Variants in SGCZ observed in about 807,000 individuals in gnomAD.
SGCZ encodes the protein zeta-sarcoglycan.
SGCZ carries 40 observed loss-of-function variants against 41.3 expected under a neutral mutation model. That is an observed-to-expected ratio of 0.97 (90% CI 0.75 to 1.26). The LOEUF (loss-of-function observed/expected upper bound fraction) is 1.26, where lower values mean the gene tolerates loss of function less well. SGCZ is among the 50% of genes most tolerant of loss of function. The pLI, the probability that SGCZ is intolerant of heterozygous loss-of-function variation, is 0.00. For synonymous variants in SGCZ, 206 were observed against 137.5 expected (o/e 1.50, Z -3.49); for missense variants, 552 against 369.8 (o/e 1.49, Z -4.04).
At chr8:14,194,416 A>G (rs1245573585) in intron 4 of SGCZ, among the ~76,000 whole-genome samples, 1 of 151,906 alleles carries the variant, frequency 6.6e-6, no homozygotes, top group African/African-American at 2.4e-5. Flanking sequence ...ATGTAATCTT[A>G]GTTTAATTAA....
intron 2 of SGCZ, among the ~76,000 whole-genome samples, chr8:14,435,219 T>A (rs1384807944): frequency 6.6e-6 from 1 of 152,180 alleles, no homozygotes; most frequent in Non-Finnish European, 1.5e-5. Context: ...TTTAATATCT[T>A]GCATATTGCC....
intron 1 of SGCZ, among the ~76,000 whole-genome samples, chr8:14,666,784 G>T (rs944829075): frequency 6.6e-6 from 1 of 151,914 alleles, no homozygotes; most frequent in Non-Finnish European, 1.5e-5. Flanking sequence ...CTGCTTGAGA[G>T]AAATAAATTC....
At chr8:14,287,596 C>T (rs1046058308) in intron 3 of SGCZ, among the ~76,000 whole-genome samples, 2 of 152,064 alleles carry the variant, frequency 1.3e-5, no homozygotes, top group African/African-American at 2.4e-5. Context: ...GCATTGCCAT[C>T]TAAACATTAT....
At position 15,175,329 on chromosome 8, in the gene SGCZ, C is replaced by T. The variant is rs11991620; in HGVS notation, c.39+62256G>A. On this transcript the variant is annotated intron_variant, in intron 1 of 7. Transcript: ENST00000382080. ...GGATAAAGAAAATGTGATACCTGTA[C>T]GCCATAGATTACTATGCAGCCATAA... 8.6e-3 allele frequency among the ~76,000 whole-genome samples: 1,312 copies of T among 151,866 alleles called. 16 individuals carry two copies. Among genetic ancestry groups the T allele is most frequent in the African/African-American group, 0.03 (1,234 of 41,386 alleles).
chr8:15,055,222 T>C lies in SGCZ; in HGVS notation c.39+182363A>G, dbSNP rs73522834. Among the ~76,000 whole-genome samples, 801 of 152,238 alleles carry C rather than the reference T, an allele frequency of 5.3e-3. 7 individuals are homozygous for C. The highest frequency in any genetic ancestry group is 0.018 in the African/African-American group (761 of 41,534). ...ATTTCTGGCCTCTCTGAACTCCAGT[T>C]TCCATATCCATAAAACAGATATTTT... On this transcript the variant is annotated intron_variant, in intron 1 of 7. Transcript: ENST00000382080.
chr8:14,525,143 CATAGATAGATAGATAGATAGATAGATAG>C (rs35838178), intron 2 of SGCZ, among the ~76,000 whole-genome samples: 1 of 142,756 alleles, frequency 7.0e-6, no homozygotes, highest in Admixed American at 6.8e-5. Flanking sequence ...TAGATAGACA[CATAGATAGATAGATAGATAGATAGATAG>C]ATAGATAGAT....
chr8:14,634,643 C>T (rs1369476199), intron 1 of SGCZ, among the ~76,000 whole-genome samples: 1 of 151,830 alleles, frequency 6.6e-6, no homozygotes, highest in Non-Finnish European at 1.5e-5. Flanking sequence ...CCACTGAGGT[C>T]TCCAATTTCA....
At chr8:14,415,709 G>A (rs1406888097) in intron 2 of SGCZ, among the ~76,000 whole-genome samples, 2 of 151,798 alleles carry the variant, frequency 1.3e-5, no homozygotes, top group East Asian at 1.9e-4. Flanking sequence ...ATATTTCCTT[G>A]GAATAACAGT....
chr8:14,579,035 C>T (rs1804802676), intron 1 of SGCZ, among the ~76,000 whole-genome samples: 1 of 152,012 alleles, frequency 6.6e-6, no homozygotes, highest in Admixed American at 6.6e-5. Context: ...TTATCCATTC[C>T]TCCAGTAATA....
At chr8:14,774,947 AG>A (rs1244462716) in intron 1 of SGCZ, among the ~76,000 whole-genome samples, 1 of 152,188 alleles carries the variant, frequency 6.6e-6, no homozygotes, top group African/African-American at 2.4e-5. Flanking sequence ...TGACAATCTA[AG>A]AAAATTGTCA....
At chr8:14,516,914 C>T (rs956554911) in intron 2 of SGCZ, among the ~76,000 whole-genome samples, 1 of 151,896 alleles carries the variant, frequency 6.6e-6, no homozygotes, top group Non-Finnish European at 1.5e-5. Flanking sequence ...TATATGGAAA[C>T]ACTGCTGCCT....
chr8:15,096,938 G>C (rs1806368943), intron 1 of SGCZ, among the ~76,000 whole-genome samples: 1 of 152,044 alleles, frequency 6.6e-6, no homozygotes, highest in South Asian at 2.1e-4. Context: ...ACCCACCTCG[G>C]CCTCCCAAAG....
chr8:14,794,797 G>A (rs563879678), intron 1 of SGCZ, among the ~76,000 whole-genome samples: 1 of 152,256 alleles, frequency 6.6e-6, no homozygotes, highest in Admixed American at 6.5e-5. Context: ...GGACAAATCT[G>A]ATCATATTCA....
At chr8:14,956,734 G>C (rs945017197) in intron 1 of SGCZ, among the ~76,000 whole-genome samples, 3 of 152,144 alleles carry the variant, frequency 2.0e-5, no homozygotes, top group African/African-American at 4.8e-5. Flanking sequence ...TTGATGGTCA[G>C]ATTTGTTGTT....
At chr8:14,838,907 A>C (rs1272705278) in intron 1 of SGCZ, among the ~76,000 whole-genome samples, 1 of 152,182 alleles carries the variant, frequency 6.6e-6, no homozygotes, top group African/African-American at 2.4e-5. Flanking sequence ...AGTGGTTAGA[A>C]GTAGGAGACT....
At chr8:14,927,563 C>T (rs926888252) in intron 1 of SGCZ, among the ~76,000 whole-genome samples, 2 of 150,798 alleles carry the variant, frequency 1.3e-5, no homozygotes, top group African/African-American at 4.9e-5. Context: ...GGGAGAGAGA[C>T]GAAATGAGAG....
chr8:14,997,850 C>T (rs1014706031), intron 1 of SGCZ, among the ~76,000 whole-genome samples: 2 of 152,070 alleles, frequency 1.3e-5, no homozygotes, highest in South Asian at 2.1e-4. Flanking sequence ...ATCCCAGATA[C>T]TCAGGAGGCT....
chr8:14,413,477 G>C (rs1799415504), intron 2 of SGCZ, among the ~76,000 whole-genome samples: 1 of 151,912 alleles, frequency 6.6e-6, no homozygotes. Context: ...TAAGTGGATT[G>C]TCCTAATGGA....
intron 1 of SGCZ, among the ~76,000 whole-genome samples, chr8:14,856,296 G>T (rs1315930778): frequency 6.6e-6 from 1 of 152,184 alleles, no homozygotes; most frequent in African/African-American, 2.4e-5. Context: ...ATATTTGGCA[G>T]TGGCTTCAGG....
Sources: allele counts gnomAD v4.1 joint callset (sites outside exome capture counted in the v4.1 genomes callset), GRCh38; gene constraint gnomAD v4.1.1; transcripts MANE v1.5; gene names NCBI Gene and HGNC (gene_info 2026-07-23, HGNC 2026-07-21).